STAB1: variants seen among roughly 807,000 people sequenced by gnomAD.
STAB1 encodes stabilin-1.
STAB1 carries 250 observed loss-of-function variants against 332.4 expected under a neutral mutation model. That is an observed-to-expected ratio of 0.75 (90% confidence interval 0.68 to 0.84). The LOEUF is 0.84. STAB1 is among the 40% of genes least tolerant of loss of function. STAB1 has a pLI of 0.00. For synonymous variants in STAB1, 1,475 were observed against 1,390.4 expected (o/e 1.06, Z -1.35); for missense variants, 3,249 against 3,489.7 (o/e 0.93, Z 1.74).
chr3:52,509,097 C>A, intron 21 of STAB1, 113 bp from the exon 22 acceptor site: 1 of 920,002 alleles, frequency 1.1e-6, no homozygotes, highest in Non-Finnish European at 1.6e-6. Context: ...CCAGGATGAG[C>A]TCTCACGGGT....
At position 52,522,432 on chromosome 3, in the gene STAB1, C is replaced by A; in HGVS notation, c.6568C>A (p.Pro2190Thr). The stretch of plus-strand genomic sequence containing the variant: ...GGACCGCTGCTTGGGCCAGCCACCG[C>A]CCTGCCACTCAGATGCCATGTGCAC... ...PVDRCLGQPP[P>T]CHSDAMCTDL... is the part of the protein sequence containing the mutation. Residue 2190 changes from proline to threonine, a missense_variant, in exon 60 of 69, where the codon CCC (proline) becomes ACC (threonine). Coordinates refer to ENST00000321725, the MANE Select transcript of STAB1 (RefSeq NM_015136.3). 1 of 1,613,122 alleles carries A rather than the reference C, an allele frequency of 6.2e-7. No individual in the cohort carries two copies.
chr3:52,521,299 C>G, intron 55 of STAB1, 62 bp from the exon 56 acceptor site: 1 of 1,603,932 alleles, frequency 6.2e-7, no homozygotes, highest in Non-Finnish European at 8.5e-7. Flanking sequence ...GCTGGAGGTA[C>G]GTATATGGGG....
At chr3:52,518,221 C>T in intron 45 of STAB1, 91 bp from the exon 46 acceptor site, 1 of 1,586,758 alleles carries the variant, frequency 6.3e-7, no homozygotes, top group Non-Finnish European at 8.6e-7. Context: ...TCATGTCTGC[C>T]TTGGCTAGAC....
chr3:52,511,399 G>C (rs1036964852), intron 25 of STAB1, among the ~76,000 whole-genome samples: 1 of 152,218 alleles, frequency 6.6e-6, no homozygotes. Context: ...AAGTGCAGGA[G>C]CACCAAGTCT....
Position 52,523,311 on chromosome 3 carries a change from C to A in STAB1, c.7110C>A (p.Val2370=), listed in dbSNP as rs2079144139. The change falls in exon 64 of 69, where the codon GTC becomes GTA. Residue 2370 remains valine, a synonymous_variant. Transcript: ENST00000321725. The stretch of plus-strand genomic sequence containing the variant: ...AGCTCACGTATAAGACACTCTTCGT[C>A]CCTGTCAATGAAGGCTTTGTGGACA... ...DDELTYKTLF[V]PVNEGFVDNM... The A allele has an allele frequency of 6.2e-7, 1 of 1,611,706 alleles. No homozygotes were observed. The highest frequency in any genetic ancestry group is 8.5e-7 in the Non-Finnish European group (1 of 1,180,024).
At chr3:52,518,909 C>T (rs1168337792) in intron 48 of STAB1, 40 bp downstream of exon 48, 3 of 1,457,684 alleles carry the variant, frequency 2.1e-6, no homozygotes, top group East Asian at 2.5e-5. Context: ...CATCCCGCCC[C>T]GCCCCGCCCC....
chr3:52,519,674 G>A (rs1265472618), intron 50 of STAB1, 110 bp downstream of exon 50: 30 of 1,434,822 alleles, frequency 2.1e-5, no homozygotes, highest in Middle Eastern at 3.6e-4. Context: ...ACACTGTCCC[G>A]TGTGAGCCTG....
chr3:52,518,185 A>C, intron 45 of STAB1, 127 bp from the exon 46 acceptor site: 1 of 1,522,754 alleles, frequency 6.6e-7, no homozygotes, highest in Non-Finnish European at 8.9e-7. Flanking sequence ...CCTGACCCCA[A>C]CTCAGACCCC....
chr3:52,518,830 G>T lies in STAB1; in HGVS notation c.4995G>T (p.Thr1665=), dbSNP rs773859123. The change falls in exon 48 of 69, where the codon ACG becomes ACT. Residue 1665 remains threonine (T), a synonymous_variant. Coordinates refer to ENST00000321725, the MANE Select transcript of STAB1 (RefSeq NM_015136.3). ...SEDLLEQGYA[T]ALSGHPLRFS... is the part of the protein sequence containing the mutation. Reference sequence around the variant, plus strand: ...ACCTGCTGGAGCAGGGGTACGCCACGGCCCTCTCAGGGCACCCACTGCGCT... The same window carrying T: ...ACCTGCTGGAGCAGGGGTACGCCACTGCCCTCTCAGGGCACCCACTGCGCT... The T allele has an allele frequency of 6.2e-7, 1 of 1,608,240 alleles. No individual in the cohort carries two copies. The highest frequency in any genetic ancestry group is 8.5e-7 in the Non-Finnish European group (1 of 1,179,162).
In STAB1 at chr3:52,521,399, G is replaced by A; in HGVS notation, c.5947G>A (p.Gly1983Ser). 1 of 1,614,016 alleles carries A rather than the reference G, an allele frequency of 6.2e-7. No homozygotes were observed. The highest frequency in any genetic ancestry group is 8.5e-7 in the Non-Finnish European group (1 of 1,180,016). The change falls in exon 56 of 69, where the codon GGC (glycine) becomes AGC (serine). Residue 1983 changes from glycine (G) to serine (S), a missense_variant. Transcript: ENST00000321725. ...GGPSSPCSDR[G>S]VCMDGMSGSG... The stretch of plus-strand genomic sequence containing the variant: ...CCCCAGCAGCCCTTGTAGTGACCGT[G>A]GCGTGTGCATGGACGGCATGAGTGG...
intron 44 of STAB1, 65 bp downstream of exon 44, chr3:52,517,689 C>T: frequency 6.3e-7 from 1 of 1,583,836 alleles, no homozygotes; most frequent in Non-Finnish European, 8.6e-7. Context: ...CAGGAACCAG[C>T]CCTTCTCACC....
At position 52,508,342 on chromosome 3, in the gene STAB1, T is replaced by G. The variant is rs1709038220; in HGVS notation, c.2218T>G (p.Cys740Gly). The change falls in exon 21 of 69, where the codon TGC (cysteine) becomes GGC (glycine). Residue 740 changes from cysteine (C) to glycine (G), a missense_variant. Transcript: ENST00000321725. Reference protein sequence around the residue: ...TQCPGGFSNPCYGKGNCSDGI... With the variant: ...TQCPGGFSNPGYGKGNCSDGI... ...GTGTCCTGGGGGCTTCTCCAACCCC[T>G]GCTATGGCAAAGGCAATGTGAGTCC... 6.2e-7 allele frequency: 1 copy of G among 1,613,810 alleles called. No individual in the cohort carries two copies.
At chr3:52,500,430 C>T (rs1048020406) in intron 1 of STAB1, among the ~76,000 whole-genome samples, 1 of 152,264 alleles carries the variant, frequency 6.6e-6, no homozygotes, top group African/African-American at 2.4e-5. Context: ...AGACCAGAGT[C>T]CCTGCACACA....
rs532081170 is a variant in STAB1 at position 52,523,653 on chromosome 3, C to A, written c.7292C>A (p.Ala2431Asp). ...GGCCTGACTCTGGTCTCCCTGCAGG[C>A]CCCAGGGACAGTTGTGGTTAGCCGT... is the stretch of plus-strand genomic sequence containing the variant. ...GPDNSSWAPV[A>D]PGTVVVSRII... The change falls in exon 66 of 69, where the codon GCC becomes GAC. Residue 2431 changes from alanine (A) to aspartate (D), a missense_variant and splice_region_variant. Coordinates refer to ENST00000321725, the MANE Select transcript of STAB1 (RefSeq NM_015136.3). The A allele has an allele frequency of 2.5e-6, 4 of 1,612,896 alleles. No homozygotes were observed. Among genetic ancestry groups the A allele is most frequent in the East Asian group, 2.2e-5 (1 of 44,880 alleles).
Position 52,521,459 on chromosome 3 carries a change from G to C in STAB1, c.6007G>C (p.Gly2003Arg). The change falls in exon 56 of 69, where the codon GGG (glycine) becomes CGG (arginine). Residue 2003 changes from glycine (G) to arginine (R), a missense_variant. Coordinates refer to ENST00000321725, the MANE Select transcript of STAB1 (RefSeq NM_015136.3). ...GQCLCRSGFA[G>R]TACELCAPGA... ...GTGTCTGTGCCGTTCAGGTTTTGCT[G>C]GGACAGCCTGTGAACTCTGTGCTCC... The C allele has an allele frequency of 6.2e-7, 1 of 1,614,046 alleles. No homozygotes were observed. Among genetic ancestry groups the C allele is most frequent in the Non-Finnish European group, 8.5e-7 (1 of 1,180,024 alleles).
chr3:52,516,669 G>A lies in STAB1; in HGVS notation c.4287-23G>A, dbSNP rs1053550885. 16 of 1,612,288 alleles carry A rather than the reference G, an allele frequency of 9.9e-6. No individual in the cohort carries two copies. In the African/African-American group the frequency reaches 1.9e-4, roughly 19 times the overall value. The stretch of plus-strand genomic sequence containing the variant: ...GCACGACTGGACAGGCATGGGCTAA[G>A]CTGCTGCTACCACCCCTCCCAGCTG... On this transcript the variant is annotated intron_variant, in intron 40 of 68. Transcript: ENST00000321725.
chr3:52,520,631 C>T lies in STAB1; in HGVS notation c.5650-11C>T. On this transcript the variant is annotated splice_polypyrimidine_tract_variant and intron_variant, in intron 53 of 68. Transcript: ENST00000321725. ...ACCTGACTTTGCTGTATTGGCCTCC[C>T]TCCCTTCCAGAACACCTGCAGCATC... 6.2e-7 allele frequency: 1 copy of T among 1,612,894 alleles called. No individual in the cohort carries two copies.
Position 52,509,247 on chromosome 3 carries a change from G to A in STAB1, c.2273G>A (p.Cys758Tyr), listed in dbSNP as rs973172817. 10 of 1,613,570 alleles carry A rather than the reference G, an allele frequency of 6.2e-6. No homozygotes were observed. Among genetic ancestry groups the A allele is most frequent in the Non-Finnish European group, 8.5e-6 (10 of 1,179,998 alleles). ...ATCCAGGGCAATGGGGCCTGCCTCT[G>A]CTTCCCAGACTACAAGGGCATCGCC... The part of the protein sequence containing the change: ...DGIQGNGACL[C>Y]FPDYKGIACH... Residue 758 changes from cysteine (C) to tyrosine (Y), a missense_variant, in exon 22 of 69, where the codon TGC (cysteine) becomes TAC (tyrosine). Physicochemically the swap from Cys to Tyr is radical, Grantham distance 194. Transcript: ENST00000321725.
At chr3:52,519,080 G>A (rs1371375184) in intron 48 of STAB1, among the ~76,000 whole-genome samples, 184 bp from the exon 49 acceptor site, 1 of 151,668 alleles carries the variant, frequency 6.6e-6, no homozygotes, top group East Asian at 1.9e-4. Flanking sequence ...GTGTCCTTCC[G>A]AGGACTGAGC....
Sources: allele counts gnomAD v4.1 joint callset (sites outside exome capture counted in the v4.1 genomes callset), GRCh38; gene constraint gnomAD v4.1.1; transcripts MANE v1.5; gene names NCBI Gene and HGNC (gene_info 2026-07-23, HGNC 2026-07-21).